Variants in GRIN2C observed in about 807,000 individuals in gnomAD.
The protein encoded by GRIN2C is glutamate receptor ionotropic, NMDA 2C.
In GRIN2C, 64 loss-of-function variants were observed where a neutral mutation model predicts 77.7. The ratio of observed to expected loss-of-function variants is 0.82; its 90% confidence interval spans 0.67 to 1.01. The LOEUF (loss-of-function observed/expected upper bound fraction) is 1.01. Ranked by LOEUF, GRIN2C falls within the 50% of genes least tolerant of loss-of-function variation. GRIN2C has a pLI of 0.00. For missense variants in GRIN2C, 1,549 were observed against 1,486.0 expected, an observed-to-expected ratio of 1.04 and a Z score of -0.70; for synonymous variants, 792 against 643.4, an observed-to-expected ratio of 1.23 and a Z score of -3.49.
chr17:74,850,441 C>CCTCCAGCCTGGCACGTGGA lies in GRIN2C; in HGVS notation c.1326-89_1326-71dup. ...GTGGCCCAGCCCCGCCCCAGCCACT[C>CCTCCAGCCTGGCACGTGGA]CTCCAGCCTGGCACGTGGACCCCTG... On this transcript the variant is annotated intron_variant, in intron 5 of 12. Coordinates refer to ENST00000293190, the MANE Select transcript of GRIN2C (RefSeq NM_000835.6). This position sits in a 1 kb window ranked among gnomAD's most constrained non-coding sequence, Gnocchi z 5.3. 3 of 1,582,266 alleles carry CCTCCAGCCTGGCACGTGGA rather than the reference C, an allele frequency of 1.9e-6. No individual in the cohort carries two copies. Among genetic ancestry groups the CCTCCAGCCTGGCACGTGGA allele is most frequent in the Non-Finnish European group, 2.6e-6 (3 of 1,159,558 alleles).
At chr17:74,851,508 G>T in intron 4 of GRIN2C, 69 bp downstream of exon 4, 1 of 848,100 alleles carries the variant, frequency 1.2e-6, no homozygotes, top group Non-Finnish European at 2.0e-6. Context: ...CTGCTCAGCT[G>T]TGGGCACAAG....
chr17:74,860,613 A>G (rs2144630334), upstream of GRIN2C: 1 of 416,346 alleles, frequency 2.4e-6, no homozygotes, highest in Non-Finnish European at 4.9e-6. Context: ...AGACCGGCGC[A>G]GGCGGCTGGT....
chr17:74,849,041 GA>G lies in GRIN2C; in HGVS notation c.1645+738del, dbSNP rs1339053125. Among the ~76,000 whole-genome samples, 1 of 140,452 alleles carries G rather than the reference GA, an allele frequency of 7.1e-6. No homozygotes were observed. Among genetic ancestry groups the G allele is most frequent in the Admixed American group, 7.0e-5 (1 of 14,292 alleles). The allele number at this position is 140,452 out of a possible 152,430, so 92.1% of individuals were successfully genotyped here. On this transcript the variant is annotated intron_variant, in intron 7 of 12. Transcript: ENST00000293190. This position sits in a 1 kb window ranked among gnomAD's most constrained non-coding sequence, Gnocchi z 4.6. The stretch of plus-strand genomic sequence containing the variant: ...TCAAAAAAAAAAAGGAAGGAAAGAA[GA>G]AAGGAAGAGTGGGAAGGAGAGAGGG...
At chr17:74,845,925 C>T in intron 11 of GRIN2C, 141 bp downstream of exon 11, 1 of 750,910 alleles carries the variant, frequency 1.3e-6, no homozygotes, top group Non-Finnish European at 2.3e-6. Flanking sequence ...CTAGTACCTG[C>T]CCACCTCAGC....
intron 12 of GRIN2C, among the ~76,000 whole-genome samples, chr17:74,843,817 T>C (rs2037377604): frequency 6.6e-6 from 1 of 151,706 alleles, no homozygotes; most frequent in Non-Finnish European, 1.5e-5. Context: ...TGGGGGGGAC[T>C]CTGACCCTCT....
Position 74,847,669 on chromosome 17 carries a change from C to T in GRIN2C, c.1772-132G>A, listed in dbSNP as rs1339291910. ...GGGGGACGCGTCCTGGCCATTCCCTCGCCAGGTGAAGTGAGCTCACGTGTG... is the reference window on the plus strand; with the variant it reads ...GGGGGACGCGTCCTGGCCATTCCCTTGCCAGGTGAAGTGAGCTCACGTGTG... On this transcript the variant is annotated intron_variant, in intron 8 of 12. Transcript: ENST00000293190. The surrounding 1 kb of genome is among the most constrained non-coding windows in gnomAD (Gnocchi z 5.2). 21 of 866,244 alleles carry T rather than the reference C, an allele frequency of 2.4e-5. No individual in the cohort carries two copies. The highest frequency in any genetic ancestry group is 2.2e-4 in the South Asian group (14 of 63,908). The allele number at this position is 866,244 out of a possible 1,614,324, so 53.7% of individuals were successfully genotyped here.
In GRIN2C at chr17:74,842,720, C is replaced by A. The variant is rs1461910749; in HGVS notation, c.3417G>T (p.Gly1139=). ...REACQEGEQA[G]APAWQHRQHV... is the part of the protein sequence containing the mutation. ...GCTGTCTGTGCTGCCAGGCGGGGGC[C>A]CCTGCCTGCTCGCCCTCCTGGCAGG... The change falls in exon 13 of 13, where the codon GGG becomes GGT. Residue 1139 remains glycine (G), a synonymous_variant. Coordinates refer to ENST00000293190, the MANE Select transcript of GRIN2C (RefSeq NM_000835.6). The A allele has an allele frequency of 1.4e-6, 1 of 711,098 alleles. No homozygotes were observed. The highest frequency in any genetic ancestry group is 1.7e-5 in the African/African-American group (1 of 57,214). The allele number at this position is 711,098 out of a possible 1,614,324, so 44.0% of individuals were successfully genotyped here.
chr17:74,845,857 C>A (rs1381633184), intron 11 of GRIN2C, among the ~76,000 whole-genome samples: 1 of 152,060 alleles, frequency 6.6e-6, no homozygotes, highest in East Asian at 1.9e-4. Context: ...CTCTCTAGCC[C>A]AGTTCCTGCT....
chr17:74,842,970 C>A lies in GRIN2C; in HGVS notation c.3167G>T (p.Gly1056Val). The change falls in exon 13 of 13, where the codon GGT becomes GTT. Residue 1056 changes from glycine (G) to valine (V), a missense_variant. Physicochemically the swap from Gly to Val is moderately radical, Grantham distance 109. Coordinates refer to ENST00000293190, the MANE Select transcript of GRIN2C (RefSeq NM_000835.6). ...CTCCCGCCGGGCCAGCTGCTCCGGACCGAGCAGCGGCAGGTCCTCCAGCTC... is the reference window on the plus strand; with the variant it reads ...CTCCCGCCGGGCCAGCTGCTCCGGAACGAGCAGCGGCAGGTCCTCCAGCTC... ...FPELEDLPLL[G>V]PEQLARREAL... 1 of 528,412 alleles carries A rather than the reference C, an allele frequency of 1.9e-6. No individual in the cohort carries two copies. Among genetic ancestry groups the A allele is most frequent in the South Asian group, 2.4e-5 (1 of 41,670 alleles). The allele number at this position is 528,412 out of a possible 1,614,324, so 32.7% of individuals were successfully genotyped here.
chr17:74,857,699 C>T (rs756587892), intron 1 of GRIN2C, among the ~76,000 whole-genome samples: 5 of 152,186 alleles, frequency 3.3e-5, no homozygotes, highest in Non-Finnish European at 7.3e-5. Context: ...ACCCCTGCCT[C>T]CCAGTAATGA....
At chr17:74,857,597 C>T (rs2037850969) in intron 1 of GRIN2C, among the ~76,000 whole-genome samples, 1 of 152,228 alleles carries the variant, frequency 6.6e-6, no homozygotes, top group Non-Finnish European at 1.5e-5. Flanking sequence ...ATGCTTGTCG[C>T]TCCCCTTGCA....
rs769823971 is a variant in GRIN2C at position 74,847,904 on chromosome 17, C to T, written c.1719G>A (p.Met573Ile). 6.2e-7 allele frequency: 1 copy of T among 1,614,114 alleles called. No individual in the cohort carries two copies. The highest frequency in any genetic ancestry group is 8.5e-7 in the Non-Finnish European group (1 of 1,179,976). ...CLTVVAITVFMFEYFSPVSYN... is the reference protein window; with the variant it reads ...CLTVVAITVFIFEYFSPVSYN... The stretch of plus-strand genomic sequence containing the variant: ...AGCTGACAGGGCTGAAGTACTCGAA[C>T]ATGAAGACGGTGATGGCCACCACAG... The change falls in exon 8 of 13, where the codon ATG (methionine) becomes ATA (isoleucine). Residue 573 changes from methionine to isoleucine, a missense_variant. Met to Ile is a conservative substitution (Grantham distance 10). This residue lies in a region of GRIN2C where 717 missense variants were observed against 858.1 expected (regional missense o/e 0.84). Coordinates refer to ENST00000293190, the MANE Select transcript of GRIN2C (RefSeq NM_000835.6). The surrounding 1 kb of genome is among the most constrained non-coding windows in gnomAD (Gnocchi z 5.2).
Position 74,846,210 on chromosome 17 carries a change from T to C in GRIN2C, c.2206A>G (p.Met736Val), listed in dbSNP as rs764720170. 5 of 1,614,132 alleles carry C rather than the reference T, an allele frequency of 3.1e-6. No individual in the cohort carries two copies. Among genetic ancestry groups the C allele is most frequent in the Admixed American group, 3.3e-5 (2 of 60,024 alleles). ...FIYDAAVLNYMAGKDEGCKLV... is the reference protein window; with the variant it reads ...FIYDAAVLNYVAGKDEGCKLV... ...TTGCAGCCCTCGTCCTTGCCTGCCATGTAGTTGAGGACAGCAGCATCATAG... is the reference window on the plus strand; with the variant it reads ...TTGCAGCCCTCGTCCTTGCCTGCCACGTAGTTGAGGACAGCAGCATCATAG... Residue 736 changes from methionine (M) to valine (V), a missense_variant, in exon 11 of 13, where the codon ATG becomes GTG. This residue lies in a region of GRIN2C where 717 missense variants were observed against 858.1 expected (regional missense o/e 0.84). Transcript: ENST00000293190. The surrounding 1 kb of genome is among the most constrained non-coding windows in gnomAD (Gnocchi z 4.4).
Position 74,847,066 on chromosome 17 carries a change from G to A in GRIN2C, c.2002-146C>T, listed in dbSNP as rs1367570183. The A allele has an allele frequency of 9.1e-6, 8 of 879,672 alleles. No individual in the cohort carries two copies. Among genetic ancestry groups the A allele is most frequent in the Non-Finnish European group, 1.4e-5 (8 of 587,206 alleles). 54.5% of individuals were successfully genotyped at this position (879,672 alleles called of 1,614,324 possible). A position where few individuals can be genotyped will look rare whatever the true frequency, so the allele number is the denominator to read the frequency against. On this transcript the variant is annotated intron_variant, in intron 9 of 12. Coordinates refer to ENST00000293190, the MANE Select transcript of GRIN2C (RefSeq NM_000835.6). This position sits in a 1 kb window ranked among gnomAD's most constrained non-coding sequence, Gnocchi z 5.2. ...TAAAGGCTGTCCAGGCCACTCCTGTGTTTTCCAAATGGAGACTCTGAGGCC... is the reference window on the plus strand; with the variant it reads ...TAAAGGCTGTCCAGGCCACTCCTGTATTTTCCAAATGGAGACTCTGAGGCC...
chr17:74,844,994 T>A (rs944318608), intron 11 of GRIN2C, among the ~76,000 whole-genome samples: 1 of 150,268 alleles, frequency 6.7e-6, no homozygotes, highest in Non-Finnish European at 1.5e-5. Context: ...TGCAGTGGTG[T>A]GATCATGGCT....
At position 74,847,308 on chromosome 17, in the gene GRIN2C, C is replaced by T. The variant is rs1218945006; in HGVS notation, c.2001G>A (p.Lys667=). Residue 667 remains lysine (K), a splice_region_variant and synonymous_variant, in exon 9 of 13, where the codon AAG becomes AAA. Coordinates refer to ENST00000293190, the MANE Select transcript of GRIN2C (RefSeq NM_000835.6). The surrounding 1 kb of genome is among the most constrained non-coding windows in gnomAD (Gnocchi z 5.2). ...IDTVSGLSDK[K]FQRPQDQYPP... is the part of the protein sequence containing the mutation. ...CCCCCAGCAGCTATGGCCCCACAAC[C>T]TTCTTGTCACTGAGGCCCGACACAG... The T allele has an allele frequency of 2.6e-6, 4 of 1,544,378 alleles. No individual in the cohort carries two copies. Among genetic ancestry groups the T allele is most frequent in the South Asian group, 2.2e-5 (2 of 89,942 alleles).
Position 74,859,847 on chromosome 17 carries a change from G to A in GRIN2C, c.-119C>T, listed in dbSNP as rs150795212. On this transcript the variant is annotated 5_prime_UTR_variant, in exon 1 of 13. Transcript: ENST00000293190. This position sits in a 1 kb window ranked among gnomAD's most constrained non-coding sequence, Gnocchi z 5.9. ...CGGGAGGAGGGGGCGCGAGCAGCGA[G>A]AGCCACCGTCACCCGCGGCTCAAGG... 4,670 of 154,324 alleles carry A rather than the reference G, an allele frequency of 0.03. 240 individuals are homozygous for A. Among genetic ancestry groups the A allele is most frequent in the African/African-American group, 0.11 (4,407 of 41,552 alleles). The allele number at this position is 154,324 out of a possible 1,614,324, so 9.6% of individuals were successfully genotyped here.
rs1375328752 is a variant in GRIN2C, at chr17:74,846,915, C to G, written c.2007G>C (p.Gln669His). The G allele has an allele frequency of 1.2e-6, 2 of 1,606,784 alleles. No homozygotes were observed. Among genetic ancestry groups the G allele is most frequent in the East Asian group, 4.5e-5 (2 of 44,696 alleles). Reference protein sequence around the residue: ...TVSGLSDKKFQRPQDQYPPFR... With the variant: ...TVSGLSDKKFHRPQDQYPPFR... The stretch of plus-strand genomic sequence containing the variant: ...AAGGTGGGTACTGATCTTGAGGCCG[C>G]TGAAACTGCAGGCGGAGGGCAGCAG... Residue 669 changes from glutamine to histidine, a missense_variant, in exon 10 of 13, where the codon CAG (glutamine) becomes CAC (histidine). By Grantham distance (24) the Gln-to-His change is conservative (BLOSUM62 0). Coordinates refer to ENST00000293190, the MANE Select transcript of GRIN2C (RefSeq NM_000835.6). The surrounding 1 kb of genome is among the most constrained non-coding windows in gnomAD (Gnocchi z 4.4).
chr17:74,855,002 T>C lies in GRIN2C; in HGVS notation c.91A>G (p.Thr31Ala), dbSNP rs758983183. The change falls in exon 2 of 13, where the codon ACG becomes GCG. Residue 31 changes from threonine to alanine, a missense_variant. This residue lies in a region of GRIN2C where 382 missense variants were observed against 360.0 expected (regional missense o/e 1.06). Transcript: ENST00000293190. ...LGPGQGEQGM[T>A]VAVVFSSSGP... ...GAGCTGCTAAACACCACGGCCACCG[T>C]CATGCCCTGCTCGCCCTGCCCCGGA... 6.2e-6 allele frequency: 10 copies of C among 1,606,238 alleles called. No individual in the cohort carries two copies. The Admixed American group carries it at 1.3e-4, about 21-fold the overall frequency.
Sources: allele counts gnomAD v4.1 joint callset (sites outside exome capture counted in the v4.1 genomes callset), GRCh38; gene constraint gnomAD v4.1.1; regional missense constraint gnomAD v4.1.1; non-coding constraint Gnocchi (gnomAD v3.1); transcripts MANE v1.5; gene names NCBI Gene and HGNC (gene_info 2026-07-23, HGNC 2026-07-21).